CDON: variants seen among roughly 807,000 people sequenced by gnomAD.
The protein encoded by CDON is cell adhesion molecule-related/down-regulated by oncogenes.
CDON carries 73 observed loss-of-function variants against 120.9 expected under a neutral mutation model. The observed-to-expected ratio is 0.60, with a 90% CI of 0.50 to 0.73. The LOEUF is 0.73. CDON is among the 30% of genes least tolerant of loss of function. The pLI is 0.00. For missense variants in CDON, 1,470 were observed against 1,587.3 expected (o/e 0.93, Z 1.26); for synonymous variants, 566 against 573.5 (o/e 0.99, Z 0.19).
intron 12 of CDON, among the ~76,000 whole-genome samples, chr11:125,996,173 C>T (rs200700454): frequency 5.8e-4 from 57 of 98,280 alleles, no homozygotes; most frequent in South Asian, 3.4e-3. Flanking sequence ...CACACACACA[C>T]ACACACACAC....
intron 1 of CDON, among the ~76,000 whole-genome samples, chr11:126,040,424 A>C (rs1948223119): frequency 6.6e-6 from 1 of 152,206 alleles, no homozygotes; most frequent in South Asian, 2.1e-4. Context: ...GAAACTCAGC[A>C]ATGTTTTCTG....
chr11:126,015,417 G>A lies in CDON; in HGVS notation c.1022C>T (p.Pro341Leu). Residue 341 changes from proline (P) to leucine (L), a missense_variant, in exon 7 of 20, where the codon CCC (proline) becomes CTC (leucine). Pro to Leu is a moderately conservative substitution (Grantham distance 98). Coordinates refer to ENST00000531738, the MANE Select transcript of CDON (RefSeq NM_001378964.1). Reference sequence around the variant, plus strand: ...TGCATTGTGAAACCAGGTACAGTTGGGGGCTGGGTTCCCATGAACGTCGCA... The same window carrying A: ...TGCATTGTGAAACCAGGTACAGTTGAGGGCTGGGTTCCCATGAACGTCGCA... ...FTCDVHGNPAPNCTWFHNAQP... is the reference protein window; with the variant it reads ...FTCDVHGNPALNCTWFHNAQP... 1 of 1,614,158 alleles carries A rather than the reference G, an allele frequency of 6.2e-7. No homozygotes were observed. Among genetic ancestry groups the A allele is most frequent in the Non-Finnish European group, 8.5e-7 (1 of 1,180,014 alleles).
intron 18 of CDON, among the ~76,000 whole-genome samples, chr11:125,971,121 C>CACCT (rs1555114504): frequency 7.9e-5 from 12 of 152,128 alleles, no homozygotes; most frequent in Non-Finnish European, 1.6e-4. Flanking sequence ...CGGTGGCTCA[C>CACCT]GCCTGTAATC....
chr11:125,960,679 T>C lies in CDON; in HGVS notation c.*263A>G. ...GTTAGAAAACATGGAAGGACCCCTC[T>C]GCCCTCCAGGTGACTGAATACTATG... On this transcript the variant is annotated 3_prime_UTR_variant, in exon 20 of 20. Transcript: ENST00000531738. The C allele has an allele frequency of 2.1e-6, 1 of 468,504 alleles. No individual in the cohort carries two copies. The highest frequency in any genetic ancestry group is 3.9e-6 in the Non-Finnish European group (1 of 257,106). The allele number at this position is 468,504 out of a possible 1,614,324, so 29.0% of individuals were successfully genotyped here. A position where few individuals can be genotyped will look rare whatever the true frequency, so the allele number is the denominator to read the frequency against.
At chr11:126,018,760 G>C (rs1192071714) in intron 4 of CDON, among the ~76,000 whole-genome samples, 1 of 152,118 alleles carries the variant, frequency 6.6e-6, no homozygotes, top group Admixed American at 6.6e-5. Flanking sequence ...GTAGAGATGG[G>C]GGTCTCACTA....
intron 18 of CDON, among the ~76,000 whole-genome samples, chr11:125,975,125 CCA>C (rs878860397): frequency 5.9e-5 from 9 of 152,198 alleles, no homozygotes; most frequent in Admixed American, 3.9e-4. Flanking sequence ...TGCTGCTACC[CCA>C]GTGTTTCTCA....
At chr11:126,037,707 A>G (rs1355926993) in intron 1 of CDON, among the ~76,000 whole-genome samples, 2 of 152,162 alleles carry the variant, frequency 1.3e-5, no homozygotes, top group Admixed American at 1.3e-4. Context: ...ATTTTCTAAA[A>G]CAATATATTT....
At chr11:125,989,855 T>C in intron 14 of CDON, 96 bp from the exon 15 acceptor site, 1 of 1,067,094 alleles carries the variant, frequency 9.4e-7, no homozygotes, top group South Asian at 1.3e-5. Context: ...TGGAGCAGCA[T>C]CCACTACCAT....
intron 18 of CDON, among the ~76,000 whole-genome samples, chr11:125,973,943 T>G (rs544895647): frequency 6.6e-6 from 1 of 152,232 alleles, no homozygotes; most frequent in Non-Finnish European, 1.5e-5. Flanking sequence ...TTGCCCAGCC[T>G]GGAGTGCAGT....
chr11:126,006,353 A>C (rs1385725383), intron 8 of CDON, among the ~76,000 whole-genome samples: 2 of 152,156 alleles, frequency 1.3e-5, no homozygotes, highest in Non-Finnish European at 1.5e-5. Flanking sequence ...AGTAATAATC[A>C]TTTGCCAGTT....
intron 16 of CDON, among the ~76,000 whole-genome samples, chr11:125,981,725 T>C (rs191792553): frequency 3.0e-4 from 45 of 152,042 alleles, no homozygotes; most frequent in Admixed American, 1.4e-3. Context: ...ACTATCAGAG[T>C]ACTGGCAATA....
At position 125,984,013 on chromosome 11, in the gene CDON, C is replaced by T. The variant is rs756455658; in HGVS notation, c.2854G>A (p.Val952Met). 32 of 1,614,020 alleles carry T rather than the reference C, an allele frequency of 2.0e-5. No individual in the cohort carries two copies. The East Asian group carries it at 6.0e-4, about 30-fold the overall frequency. ...CTGGCAGGGCTGGTTGCAGGCCCCA[C>T]ATTTCCTCCACTTCCCAAAGAATTT... ...PPNSLGSGGN[V>M]GPATSPARSS... The change falls in exon 16 of 20, where the codon GTG becomes ATG. Residue 952 changes from valine (V) to methionine (M), a missense_variant. Transcript: ENST00000531738.
At chr11:126,052,713 C>T (rs1948592679) in intron 1 of CDON, among the ~76,000 whole-genome samples, 1 of 151,622 alleles carries the variant, frequency 6.6e-6, no homozygotes, top group East Asian at 1.9e-4. Context: ...ATCCCAGCTA[C>T]TTGGGAGGCT....
At chr11:126,004,872 T>G (rs746139066) in intron 9 of CDON, among the ~76,000 whole-genome samples, 31 of 152,206 alleles carry the variant, frequency 2.0e-4, no homozygotes, top group Non-Finnish European at 4.0e-4. Context: ...CTGGTCTCAT[T>G]AAACAGAGAG....
At chr11:126,031,484 T>A (rs1947943916) in intron 1 of CDON, among the ~76,000 whole-genome samples, 1 of 152,162 alleles carries the variant, frequency 6.6e-6, no homozygotes, top group Non-Finnish European at 1.5e-5. Flanking sequence ...AATACCACAG[T>A]TTTTAGACTT....
At position 126,021,316 on chromosome 11, in the gene CDON, T is replaced by A; in HGVS notation, c.281A>T (p.Tyr94Phe). ...ILSLNSSLLG[Y>F]YQCLANNSIG... ...GCTATTGTTGGCAAGGCACTGGTAGTAACCCAAAAGAGAGGAGTTGAGAGA... is the reference window on the plus strand; with the variant it reads ...GCTATTGTTGGCAAGGCACTGGTAGAAACCCAAAAGAGAGGAGTTGAGAGA... The change falls in exon 3 of 20, where the codon TAC (tyrosine) becomes TTC (phenylalanine). Residue 94 changes from tyrosine (Y) to phenylalanine (F), a missense_variant. By Grantham distance (22) the Tyr-to-Phe change is conservative. Transcript: ENST00000531738. 1 of 1,614,160 alleles carries A rather than the reference T, an allele frequency of 6.2e-7. No homozygotes were observed. Among genetic ancestry groups the A allele is most frequent in the Non-Finnish European group, 8.5e-7 (1 of 1,180,002 alleles).
rs770489168 is a variant in CDON, at chr11:126,005,853, G to A, written c.1757C>T (p.Pro586Leu). Residue 586 changes from proline (P) to leucine (L), a missense_variant, in exon 9 of 20, where the codon CCA becomes CTA. Pro to Leu is a moderately conservative substitution (Grantham distance 98). Transcript: ENST00000531738. Reference protein sequence around the residue: ...VPDAPIILSPPQTHTPDTYNL... With the variant: ...VPDAPIILSPLQTHTPDTYNL... ...GTACGTGTCTGGTGTGTGGGTCTGT[G>A]GGGGGCTCAGTATGATGGGGGCATC... is the stretch of plus-strand genomic sequence containing the variant. 3 of 1,614,100 alleles carry A rather than the reference G, an allele frequency of 1.9e-6. No individual in the cohort carries two copies. Among genetic ancestry groups the A allele is most frequent in the Non-Finnish European group, 2.5e-6 (3 of 1,180,004 alleles).
At chr11:126,020,991 G>GAAA (rs5795473) in intron 3 of CDON, among the ~76,000 whole-genome samples, 4 of 147,814 alleles carry the variant, frequency 2.7e-5, no homozygotes, top group Non-Finnish European at 1.5e-5. Flanking sequence ...AGATTATAAA[G>GAAA]AAAAAAAAAA....
chr11:125,977,253 C>T (rs1201968929), intron 18 of CDON, among the ~76,000 whole-genome samples: 1 of 152,188 alleles, frequency 6.6e-6, no homozygotes, highest in Non-Finnish European at 1.5e-5. Context: ...TATAGACACC[C>T]TGAAATGGGT....
Sources: allele counts gnomAD v4.1 joint callset (sites outside exome capture counted in the v4.1 genomes callset), GRCh38; gene constraint gnomAD v4.1.1; transcripts MANE v1.5; gene names NCBI Gene and HGNC (gene_info 2026-07-23, HGNC 2026-07-21).